Variants in HS3ST3A1 observed in about 807,000 individuals in gnomAD.
HS3ST3A1 encodes the protein heparan sulfate-glucosamine 3-sulfotransferase 3A1.
Under a neutral mutation model 25.7 loss-of-function variants are expected in HS3ST3A1, and 19 were observed. The observed-to-expected ratio is 0.74, with a 90% CI of 0.52 to 1.08. The LOEUF is 1.08. Among genes scored for constraint, HS3ST3A1 ranks in the 50% least tolerant of loss-of-function variants. The pLI is 0.00. For synonymous variants in HS3ST3A1, 226 were observed against 278.6 expected, an observed-to-expected ratio of 0.81 and a Z score of 1.88; for missense variants, 459 against 594.3, an observed-to-expected ratio of 0.77 and a Z score of 2.37.
In HS3ST3A1 at chr17:13,601,758, G is replaced by A. The variant is rs1206027719; in HGVS notation, c.-629C>T. The stretch of plus-strand genomic sequence containing the variant: ...CCTCTGCCCGAGCGGGAGACAGGAG[G>A]CCCGTGCAGAGCCGTCCACCCCTCT... On this transcript the variant is annotated 5_prime_UTR_variant, in exon 1 of 2. Transcript: ENST00000284110. 1 of 152,828 alleles carries A rather than the reference G, an allele frequency of 6.5e-6. No individual in the cohort carries two copies. Among genetic ancestry groups the A allele is most frequent in the East Asian group, 1.9e-4 (1 of 5,178 alleles). 9.5% of individuals were successfully genotyped at this position (152,828 alleles called of 1,614,324 possible). A position where few individuals can be genotyped will look rare whatever the true frequency, so the allele number is the denominator to read the frequency against.
intron 1 of HS3ST3A1, among the ~76,000 whole-genome samples, chr17:13,586,009 C>A (rs1394979538): frequency 6.6e-6 from 1 of 151,624 alleles, no homozygotes; most frequent in Non-Finnish European, 1.5e-5. Flanking sequence ...CTACCAAGCC[C>A]GGCTAATTTT....
chr17:13,496,029 G>A lies in HS3ST3A1; in HGVS notation c.*168C>T, dbSNP rs993285873. 3.8e-6 allele frequency: 3 copies of A among 779,262 alleles called. No individual in the cohort carries two copies. The highest frequency in any genetic ancestry group is 1.8e-5 in the African/African-American group (1 of 56,408). 48.3% of individuals were successfully genotyped at this position (779,262 alleles called of 1,614,324 possible). On this transcript the variant is annotated 3_prime_UTR_variant, in exon 2 of 2. Transcript: ENST00000284110. ...CCTTTTCTGTTGATCCACGTGTTTG[G>A]TGTTGGTTATACATTAAGATGGGGC...
At chr17:13,512,287 C>A (rs1905890468) in intron 1 of HS3ST3A1, among the ~76,000 whole-genome samples, 2 of 117,992 alleles carry the variant, frequency 1.7e-5, no homozygotes, top group South Asian at 5.2e-4. Flanking sequence ...GCCTGGGCGA[C>A]AGAGCGAGAC....
At chr17:13,504,881 T>G (rs1390364550) in intron 1 of HS3ST3A1, among the ~76,000 whole-genome samples, 2 of 152,198 alleles carry the variant, frequency 1.3e-5, no homozygotes, top group Non-Finnish European at 2.9e-5. Context: ...CATGGGCCAC[T>G]ATGAGCACAG....
rs116298614 is a variant in HS3ST3A1 at position 13,585,545 on chromosome 17, A to G, written c.599+14986T>C. ...TCCTTTTTAAAATGCATTTCAAAGT[A>G]AATTGTGGACAGCAGTTCACACTAA... is the stretch of plus-strand genomic sequence containing the variant. On this transcript the variant is annotated intron_variant, in intron 1 of 1. Transcript: ENST00000284110. Among the ~76,000 whole-genome samples the G allele has an allele frequency of 1.9e-3, 291 of 151,778 alleles. 2 individuals carry two copies. Among genetic ancestry groups the G allele is most frequent in the African/African-American group, 6.4e-3 (267 of 41,414 alleles).
chr17:13,580,489 A>G (rs1033645105), intron 1 of HS3ST3A1, among the ~76,000 whole-genome samples: 1 of 152,228 alleles, frequency 6.6e-6, no homozygotes, highest in Admixed American at 6.5e-5. Flanking sequence ...TATACACACA[A>G]TTAGTATTTG....
At chr17:13,541,844 T>C (rs1357614925) in intron 1 of HS3ST3A1, among the ~76,000 whole-genome samples, 1 of 152,156 alleles carries the variant, frequency 6.6e-6, no homozygotes, top group African/African-American at 2.4e-5. Context: ...GAAACCTCTT[T>C]CAACTGTGAA....
chr17:13,520,149 A>G (rs984463629), intron 1 of HS3ST3A1, among the ~76,000 whole-genome samples: 4 of 152,194 alleles, frequency 2.6e-5, no homozygotes, highest in African/African-American at 9.6e-5. Flanking sequence ...CTATCCTCTA[A>G]TTAATAAAAA....
chr17:13,552,947 G>T (rs1307733658), intron 1 of HS3ST3A1, among the ~76,000 whole-genome samples: 1 of 152,160 alleles, frequency 6.6e-6, no homozygotes, highest in Non-Finnish European at 1.5e-5. Flanking sequence ...GCAAGAAGGA[G>T]AATTATAATT....
intron 1 of HS3ST3A1, among the ~76,000 whole-genome samples, chr17:13,577,575 T>A (rs943869360): frequency 6.6e-6 from 1 of 152,144 alleles, no homozygotes; most frequent in African/African-American, 2.4e-5. Flanking sequence ...AAAATTTACA[T>A]AATCCAGGAC....
intron 1 of HS3ST3A1, among the ~76,000 whole-genome samples, chr17:13,570,887 A>G (rs1039318844): frequency 6.6e-6 from 1 of 152,138 alleles, no homozygotes; most frequent in Non-Finnish European, 1.5e-5. Flanking sequence ...AATCACAACA[A>G]CCCTTTCACT....
At chr17:13,551,633 G>A (rs1598424080) in intron 1 of HS3ST3A1, among the ~76,000 whole-genome samples, 1 of 144,822 alleles carries the variant, frequency 6.9e-6, no homozygotes, top group Admixed American at 7.0e-5. Flanking sequence ...AAAGGGGGGG[G>A]GGTATTTTTA....
Position 13,499,814 on chromosome 17 carries a change from A to T in HS3ST3A1, c.600-2996T>A, listed in dbSNP as rs141993242. 1.5e-3 allele frequency among the ~76,000 whole-genome samples: 235 copies of T among 152,338 alleles called. 2 individuals are homozygous for T. Among genetic ancestry groups the T allele is most frequent in the Non-Finnish European group, 2.6e-3 (175 of 68,036 alleles). On this transcript the variant is annotated intron_variant, in intron 1 of 1. Coordinates refer to ENST00000284110, the MANE Select transcript of HS3ST3A1 (RefSeq NM_006042.3). ...AAATAGGATTGCAAAAGAAAAACAC[A>T]TTCATTACTGTCATTTGCAGGATGA...
intron 1 of HS3ST3A1, among the ~76,000 whole-genome samples, chr17:13,551,236 C>G (rs1282217767): frequency 1.3e-5 from 2 of 151,212 alleles, no homozygotes; most frequent in Admixed American, 1.3e-4. Flanking sequence ...GTAATGCCAG[C>G]TACTTGGGAG....
At chr17:13,510,253 C>G (rs1905816335) in intron 1 of HS3ST3A1, among the ~76,000 whole-genome samples, 1 of 152,272 alleles carries the variant, frequency 6.6e-6, no homozygotes, top group South Asian at 2.1e-4. Context: ...GCTGTGCTAT[C>G]GGCTTTTGTG....
At chr17:13,549,896 T>C (rs921606889) in intron 1 of HS3ST3A1, among the ~76,000 whole-genome samples, 8 of 152,346 alleles carry the variant, frequency 5.3e-5, no homozygotes, top group African/African-American at 1.9e-4. Context: ...TCATTTCTTA[T>C]TGATAAACTT....
At chr17:13,542,995 T>C (rs1906978612) in intron 1 of HS3ST3A1, among the ~76,000 whole-genome samples, 1 of 152,298 alleles carries the variant, frequency 6.6e-6, no homozygotes, top group East Asian at 1.9e-4. Context: ...CAGCAGTTCC[T>C]GGAGGTTGGT....
intron 1 of HS3ST3A1, among the ~76,000 whole-genome samples, chr17:13,501,384 A>T (rs1005782112): frequency 8.6e-5 from 13 of 152,040 alleles, no homozygotes; most frequent in Middle Eastern, 3.2e-3. Context: ...CAATTTTTTT[A>T]AAAAAAAGAA....
At chr17:13,569,535 C>T (rs72808864) in intron 1 of HS3ST3A1, among the ~76,000 whole-genome samples, 7,394 of 152,282 alleles carry the variant, frequency 0.049, 262 homozygotes, top group Non-Finnish European at 0.073. Context: ...GAGACTGCTG[C>T]GGCCTGTCAG....
Sources: gnomAD v4.1 joint callset for allele counts (sites outside exome capture counted in the v4.1 genomes callset) on GRCh38, gnomAD v4.1.1 for gene constraint, MANE v1.5 for transcripts, NCBI Gene and HGNC (gene_info 2026-07-23, HGNC 2026-07-21) for gene names.